The following MNAT1 variants were observed in gnomAD, a reference collection of about 807,000 sequenced individuals.
MNAT1 encodes the protein MNAT1 component of CDK activating kinase.
A neutral mutation model predicts 42.0 loss-of-function variants in MNAT1; 43 were observed. The observed-to-expected ratio is 1.02, with a 90% CI of 0.80 to 1.32. The LOEUF is 1.32. Among genes scored for constraint, MNAT1 ranks in the 40% most tolerant of loss-of-function variants. MNAT1 has a pLI of 0.00. For synonymous variants in MNAT1, 118 were observed against 120.0 expected (o/e 0.98, Z 0.11); for missense variants, 306 against 350.4 (o/e 0.87, Z 1.01).
chr14:60,954,405 A>T (rs11158313), intron 7 of MNAT1, among the ~76,000 whole-genome samples: 139,798 of 152,096 alleles, frequency 0.92, 64,759 homozygotes, highest in Non-Finnish European at 0.99. Flanking sequence ...CTTTCATCAG[A>T]GTTTTATAGT....
intron 7 of MNAT1, among the ~76,000 whole-genome samples, chr14:60,942,849 C>G (rs562877679): frequency 6.6e-5 from 10 of 152,044 alleles, no homozygotes; most frequent in Non-Finnish European, 1.5e-4. Flanking sequence ...ACTGCAAAAT[C>G]AAGTTTAACC....
At chr14:60,868,101 C>G (rs1344267406) in intron 6 of MNAT1, among the ~76,000 whole-genome samples, 1 of 152,010 alleles carries the variant, frequency 6.6e-6, no homozygotes, top group Non-Finnish European at 1.5e-5. Flanking sequence ...AGAAATGTTA[C>G]TCAGAATGAA....
intron 5 of MNAT1, among the ~76,000 whole-genome samples, chr14:60,813,507 A>G (rs1044284516): frequency 4.6e-5 from 7 of 152,292 alleles, no homozygotes; most frequent in Middle Eastern, 3.4e-3. Context: ...GAGGTAGAAG[A>G]TGCTAACATT....
At chr14:60,894,023 G>C (rs1464646816) in intron 7 of MNAT1, among the ~76,000 whole-genome samples, 1 of 152,118 alleles carries the variant, frequency 6.6e-6, no homozygotes, top group Non-Finnish European at 1.5e-5. Context: ...TCCCTCCCCA[G>C]ACTCGCAACT....
At chr14:60,839,261 C>T (rs2033479787) in intron 6 of MNAT1, among the ~76,000 whole-genome samples, 2 of 152,176 alleles carry the variant, frequency 1.3e-5, no homozygotes, top group African/African-American at 2.4e-5. Context: ...CACTTACTTC[C>T]TTTTGAGCCC....
chr14:60,771,202 A>C (rs925511660), intron 1 of MNAT1, among the ~76,000 whole-genome samples: 1 of 151,832 alleles, frequency 6.6e-6, no homozygotes, highest in Non-Finnish European at 1.5e-5. Context: ...TGTTTTTTAC[A>C]TCTTTGCCAG....
intron 7 of MNAT1, among the ~76,000 whole-genome samples, chr14:60,911,728 G>A (rs2035368517): frequency 6.6e-6 from 1 of 152,150 alleles, no homozygotes. Flanking sequence ...GCTGAGGAGT[G>A]TTTTACTTCC....
chr14:60,956,141 A>C (rs943179127), intron 7 of MNAT1, among the ~76,000 whole-genome samples: 2 of 151,918 alleles, frequency 1.3e-5, no homozygotes, highest in Non-Finnish European at 2.9e-5. Context: ...TATTAGTATA[A>C]ATTTCTCAGG....
chr14:60,923,717 G>A (rs1290600742), intron 7 of MNAT1, among the ~76,000 whole-genome samples: 5 of 152,096 alleles, frequency 3.3e-5, no homozygotes, highest in Admixed American at 2.0e-4. Context: ...GGTGGCTCAC[G>A]CCTGTAATCC....
Position 60,833,078 on chromosome 14 carries a change from C to G in MNAT1, c.687+14231C>G, listed in dbSNP as rs375003227. Among the ~76,000 whole-genome samples the G allele has an allele frequency of 1.8e-4, 27 of 152,224 alleles. No individual in the cohort carries two copies. In the South Asian group the frequency reaches 2.3e-3, roughly 13 times the overall value. ...CTTATCAGCTTAAGGAGTTTTTGGG[C>G]TGAGATGATGGGGTTTTCTAAATAT... On this transcript the variant is annotated intron_variant, in intron 6 of 7. Transcript: ENST00000261245.
intron 6 of MNAT1, among the ~76,000 whole-genome samples, chr14:60,847,878 A>G (rs970899734): frequency 3.3e-5 from 5 of 152,052 alleles, no homozygotes; most frequent in African/African-American, 1.2e-4. Context: ...TGCCATTGTC[A>G]TATGTATTAT....
chr14:60,917,892 T>G (rs1297270040), intron 7 of MNAT1, among the ~76,000 whole-genome samples: 1 of 152,098 alleles, frequency 6.6e-6, no homozygotes, highest in Non-Finnish European at 1.5e-5. Flanking sequence ...CCTCCCAAAG[T>G]GCTGGGATTA....
chr14:60,879,967 CA>C, intron 7 of MNAT1, 132 bp downstream of exon 7: 1 of 937,494 alleles, frequency 1.1e-6, no homozygotes, highest in African/African-American at 1.7e-5. Flanking sequence ...GAACAGTACT[CA>C]ATACCAAATT....
chr14:60,940,256 T>G (rs2036114603), intron 7 of MNAT1, among the ~76,000 whole-genome samples: 1 of 152,192 alleles, frequency 6.6e-6, no homozygotes, highest in Admixed American at 6.5e-5. Context: ...TTGTTATGTG[T>G]GAATTTGATC....
chr14:60,923,045 C>G (rs1320333388), intron 7 of MNAT1, among the ~76,000 whole-genome samples: 2 of 152,074 alleles, frequency 1.3e-5, no homozygotes, highest in African/African-American at 4.8e-5. Flanking sequence ...ACTTTACTAC[C>G]ATAGATACTT....
At chr14:60,775,746 T>C (rs1285653861) in intron 1 of MNAT1, among the ~76,000 whole-genome samples, 2 of 152,046 alleles carry the variant, frequency 1.3e-5, no homozygotes, top group Non-Finnish European at 2.9e-5. Flanking sequence ...ATGGCATTGG[T>C]GTTTAGAAAT....
intron 7 of MNAT1, among the ~76,000 whole-genome samples, chr14:60,963,874 A>C (rs1399144290): frequency 6.6e-6 from 1 of 152,196 alleles, no homozygotes; most frequent in Non-Finnish European, 1.5e-5. Context: ...ATTCCAAGCC[A>C]GTGTGCTTTA....
chr14:60,797,697 G>T (rs563244320), intron 2 of MNAT1, among the ~76,000 whole-genome samples: 3 of 152,262 alleles, frequency 2.0e-5, no homozygotes, highest in African/African-American at 4.8e-5. Context: ...GGAGGCCGAG[G>T]TGGTGGATCA....
intron 1 of MNAT1, among the ~76,000 whole-genome samples, chr14:60,751,080 T>C (rs972666862): frequency 1.3e-5 from 2 of 152,070 alleles, no homozygotes; most frequent in African/African-American, 4.8e-5. Context: ...AGTTGTATTT[T>C]ATGTCTCCCT....
Sources: gnomAD v4.1 joint callset for allele counts (sites outside exome capture counted in the v4.1 genomes callset) on GRCh38, gnomAD v4.1.1 for gene constraint, MANE v1.5 for transcripts, NCBI Gene and HGNC (gene_info 2026-07-23, HGNC 2026-07-21) for gene names.